Variants in TCTN1 observed in about 807,000 individuals in gnomAD.
TCTN1 encodes the protein tectonic family member 1, also known as tectonic-1.
In TCTN1, 58 loss-of-function variants were observed where a neutral mutation model predicts 65.8. That is an observed-to-expected ratio of 0.88 (90% CI 0.71 to 1.10). The LOEUF (loss-of-function observed/expected upper bound fraction) is 1.10. TCTN1 is among the 50% of genes least tolerant of loss of function. The pLI, the probability that TCTN1 is intolerant of heterozygous loss-of-function variation, is 0.00. For missense variants in TCTN1, 645 were observed against 719.4 expected, an observed-to-expected ratio of 0.90 and a Z score of 1.18; for synonymous variants, 273 against 289.1, an observed-to-expected ratio of 0.94 and a Z score of 0.57.
rs527459650 is a variant in TCTN1 at position 110,628,764 on chromosome 12, C to T, written c.473-3C>T. 5 of 1,594,762 alleles carry T rather than the reference C, an allele frequency of 3.1e-6. No homozygotes were observed. Among genetic ancestry groups the T allele is most frequent in the Non-Finnish European group, 4.3e-6 (5 of 1,165,696 alleles). ...TTAAAATACTGTTTTTTTTAAAAAACAGATAAACCTGCATTATCCTTTATT... is the reference window on the plus strand; with the variant it reads ...TTAAAATACTGTTTTTTTTAAAAAATAGATAAACCTGCATTATCCTTTATT... On this transcript the variant is annotated splice_polypyrimidine_tract_variant and splice_region_variant and intron_variant, in intron 3 of 14. Transcript: ENST00000397659.
chr12:110,617,146 T>C (rs1279315049), intron 1 of TCTN1, among the ~76,000 whole-genome samples: 1 of 152,216 alleles, frequency 6.6e-6, no homozygotes, highest in African/African-American at 2.4e-5. Context: ...AAAGCACTTT[T>C]AATTTTTTAC....
chr12:110,647,942 G>A, intron 14 of TCTN1, 49 bp downstream of exon 14: 1 of 1,610,006 alleles, frequency 6.2e-7, no homozygotes, highest in African/African-American at 1.3e-5. Context: ...CCTTTGGAAA[G>A]TGTGCACGTG....
intron 14 of TCTN1, among the ~76,000 whole-genome samples, chr12:110,648,402 G>C (rs1445960978): frequency 6.6e-6 from 1 of 152,134 alleles, no homozygotes; most frequent in Non-Finnish European, 1.5e-5. Context: ...TTAACACATA[G>C]GTCATAGATG....
At chr12:110,629,773 T>A (rs1023902700) in intron 4 of TCTN1, 1 of 152,220 alleles carries the variant, frequency 6.6e-6, no homozygotes, top group Admixed American at 6.5e-5. Context: ...TAAATCATTC[T>A]ATAAAGACAC....
chr12:110,640,437 C>T lies in TCTN1; in HGVS notation c.898C>T (p.Arg300Ter), dbSNP rs751962801. 5.0e-6 allele frequency: 8 copies of T among 1,614,148 alleles called. No homozygotes were observed. The Admixed American group carries it at 5.0e-5, about 10-fold the overall frequency. ...TCAGTCTCTAAATAAAACGCTCACC[C>T]GACGGGAGGACACTGATGTGCTGCA... ...VIQSLNKTLT[R>*]REDTDVLQPT... The change falls in exon 8 of 15, where the codon CGA becomes TGA. Residue 300 changes from arginine (R) to a stop codon, truncating the protein, a stop_gained. Transcript: ENST00000397659. LOFTEE classifies it high-confidence loss of function. This position sits in a 1 kb window ranked among gnomAD's most constrained non-coding sequence, Gnocchi z 4.9.
chr12:110,646,362 A>G (rs1466237889), intron 12 of TCTN1: 1 of 152,006 alleles, frequency 6.6e-6, no homozygotes, highest in East Asian at 1.9e-4. Flanking sequence ...CAGGCCTGTG[A>G]GGTTTTCATA....
intron 2 of TCTN1, among the ~76,000 whole-genome samples, chr12:110,624,366 A>G (rs1462975340): frequency 6.6e-6 from 1 of 151,288 alleles, no homozygotes; most frequent in East Asian, 2.0e-4. Context: ...GGCATCTGCC[A>G]GCATGCCGGA....
chr12:110,645,373 C>T, intron 12 of TCTN1: 1 of 529,648 alleles, frequency 1.9e-6, no homozygotes, highest in East Asian at 3.5e-5. Context: ...AGTGAATGGC[C>T]TCATGGGGCA....
chr12:110,623,511 C>T (rs772663000), intron 2 of TCTN1, among the ~76,000 whole-genome samples: 1 of 152,152 alleles, frequency 6.6e-6, no homozygotes, highest in Non-Finnish European at 1.5e-5. Context: ...AATAATGTTA[C>T]CTGCCTTTTG....
At chr12:110,617,604 G>C (rs2065131972) in intron 1 of TCTN1, among the ~76,000 whole-genome samples, 1 of 151,282 alleles carries the variant, frequency 6.6e-6, no homozygotes, top group African/African-American at 2.4e-5. Flanking sequence ...TAGGATACAG[G>C]CGTGAGCTAT....
chr12:110,638,605 C>G (rs58309765), intron 7 of TCTN1, among the ~76,000 whole-genome samples: 4 of 152,100 alleles, frequency 2.6e-5, no homozygotes, highest in African/African-American at 9.7e-5. Context: ...ATCAGCACAG[C>G]GCTACTGTTT....
At chr12:110,624,126 G>A (rs1436089715) in intron 2 of TCTN1, among the ~76,000 whole-genome samples, 11 of 145,378 alleles carry the variant, frequency 7.6e-5, no homozygotes, top group African/African-American at 7.7e-5. Flanking sequence ...CTCACTTTGT[G>A]GCCCAGGCTG....
At chr12:110,632,694 A>G in intron 5 of TCTN1, 135 bp downstream of exon 5, 1 of 855,590 alleles carries the variant, frequency 1.2e-6, no homozygotes, top group Non-Finnish European at 1.9e-6. Context: ...AATACTTTAC[A>G]TTTGTAGTAG....
chr12:110,628,305 A>T (rs538831584), intron 3 of TCTN1: 14 of 1,438,364 alleles, frequency 9.7e-6, no homozygotes, highest in African/African-American at 2.9e-5. Context: ...AATAAGCTTT[A>T]AAAAATCCTG....
intron 2 of TCTN1, among the ~76,000 whole-genome samples, chr12:110,620,310 A>G (rs1385262949): frequency 6.6e-6 from 1 of 152,026 alleles, no homozygotes; most frequent in Non-Finnish European, 1.5e-5. Flanking sequence ...CGGGAGGCTG[A>G]GGCAGGAGAA....
chr12:110,641,491 T>C, intron 9 of TCTN1, 51 bp from the exon 10 acceptor site: 1 of 1,537,214 alleles, frequency 6.5e-7, no homozygotes, highest in South Asian at 1.1e-5. Context: ...TTCCTGCCAT[T>C]TCCTTATTAA....
chr12:110,642,712 C>T (rs1214966193), intron 11 of TCTN1, among the ~76,000 whole-genome samples: 1 of 151,894 alleles, frequency 6.6e-6, no homozygotes, highest in Admixed American at 6.6e-5. Flanking sequence ...GGGATCCCGC[C>T]TCAGTCTCCC....
rs555276975 is a variant in TCTN1 at position 110,636,049 on chromosome 12, G to A, written c.823-432G>A. 2.5e-5 allele frequency: 5 copies of A among 201,370 alleles called. No individual in the cohort carries two copies. In the South Asian group the frequency reaches 4.3e-4, roughly 17 times the overall value. The allele number at this position is 201,370 out of a possible 1,614,324, so 12.5% of individuals were successfully genotyped here. A position where few individuals can be genotyped will look rare whatever the true frequency, so the allele number is the denominator to read the frequency against. ...AGAGCTTGTCATTGAGGAGGCTTGG[G>A]CCAGAGGCAGGAAGACCAGTTAGGA... On this transcript the variant is annotated intron_variant, in intron 6 of 14. Transcript: ENST00000397659.
At chr12:110,641,456 T>C (rs951535443) in intron 9 of TCTN1, 86 bp from the exon 10 acceptor site, 2 of 1,331,638 alleles carry the variant, frequency 1.5e-6, no homozygotes, top group Non-Finnish European at 2.2e-6. Flanking sequence ...TAATTCCATA[T>C]TTTATTATGA....
Sources: gnomAD v4.1 joint callset for allele counts (sites outside exome capture counted in the v4.1 genomes callset) on GRCh38, gnomAD v4.1.1 for gene constraint, Gnocchi (gnomAD v3.1) non-coding constraint, MANE v1.5 for transcripts, NCBI Gene and HGNC (gene_info 2026-07-23, HGNC 2026-07-21) for gene names.